The following TMEM131L variants were observed in gnomAD, a reference collection of about 807,000 sequenced individuals.
The protein encoded by TMEM131L is transmembrane 131 like, also known as transmembrane protein 131-like.
A neutral mutation model predicts 192.2 loss-of-function variants in TMEM131L; 54 were observed. The observed-to-expected ratio is 0.28, with a 90% CI of 0.23 to 0.35. The LOEUF is 0.35. TMEM131L is among the 10% of genes least tolerant of loss of function. The pLI is 1.00. For missense variants in TMEM131L, 1,888 were observed against 1,972.9 expected (o/e 0.96, Z 0.82); for synonymous variants, 701 against 704.9 (o/e 0.99, Z 0.09).
In TMEM131L at chr4:153,583,567, AT is replaced by A; in HGVS notation, c.956del (p.Ile319AsnfsTer45). 1 of 1,602,176 alleles carries A rather than the reference AT, an allele frequency of 6.2e-7. No individual in the cohort carries two copies. Among genetic ancestry groups the A allele is most frequent in the African/African-American group, 1.3e-5 (1 of 74,772 alleles). On this transcript the variant is annotated frameshift_variant, in exon 11 of 35. Coordinates refer to ENST00000409959, the MANE Select transcript of TMEM131L (RefSeq NM_001131007.2). LOFTEE classifies it high-confidence loss of function. ...SGNSLIWIQD[I>X]RHFSQRDALS... ...TGGGACTTTTCTTTTATTTCAGGAT[AT>A]ACGCCATTTCTCACAGAGAGATGCT...
chr4:153,623,038 G>A lies in TMEM131L; in HGVS notation c.4000G>A (p.Gly1334Arg), dbSNP rs142646534. ...GSWSSTSSSD[G>R]DKKPMVDAQH... ...CTGGAGCAGCACCAGCAGCTCCGAC[G>A]GGGATAAGAAGCCCATGGTGGACGC... Residue 1334 changes from glycine to arginine, a missense_variant, in exon 29 of 35, where the codon GGG (glycine) becomes AGG (arginine). Transcript: ENST00000409959. The A allele has an allele frequency of 1.3e-4, 211 of 1,613,594 alleles. No homozygotes were observed. The highest frequency in any genetic ancestry group is 2.7e-4 in the East Asian group (12 of 44,880).
intron 20 of TMEM131L, among the ~76,000 whole-genome samples, chr4:153,596,939 TTAGG>T (rs1302896962): frequency 1.4e-4 from 21 of 152,330 alleles, no homozygotes; most frequent in African/African-American, 4.8e-4. Flanking sequence ...GTTTTCATCT[TTAGG>T]TAGTCTTGAG....
chr4:153,603,287 T>C lies in TMEM131L; in HGVS notation c.2640-16T>C. 1 of 1,611,146 alleles carries C rather than the reference T, an allele frequency of 6.2e-7. No homozygotes were observed. The highest frequency in any genetic ancestry group is 1.1e-5 in the South Asian group (1 of 90,618). On this transcript the variant is annotated splice_polypyrimidine_tract_variant and intron_variant, in intron 23 of 34. Transcript: ENST00000409959. ...CAGAACCATGCAATACTGAACCTTGTTGCTTTCTTCCTCAGTTTGTCCCTG... is the reference window on the plus strand; with the variant it reads ...CAGAACCATGCAATACTGAACCTTGCTGCTTTCTTCCTCAGTTTGTCCCTG...
At chr4:153,630,538 C>T (rs1290559755) in intron 31 of TMEM131L, among the ~76,000 whole-genome samples, 1 of 152,226 alleles carries the variant, frequency 6.6e-6, no homozygotes, top group Non-Finnish European at 1.5e-5. Context: ...CATCTGGAGC[C>T]ATTCTGTCAT....
intron 14 of TMEM131L, among the ~76,000 whole-genome samples, chr4:153,587,338 A>C (rs1021942390): frequency 6.6e-5 from 10 of 151,694 alleles, no homozygotes; most frequent in Non-Finnish European, 1.2e-4. Context: ...TTAAAAAAAA[A>C]CAAAACTTCT....
In TMEM131L at chr4:153,602,616, G is replaced by A. The variant is rs755058593; in HGVS notation, c.2528G>A (p.Arg843His). 5 of 1,614,018 alleles carry A rather than the reference G, an allele frequency of 3.1e-6. No individual in the cohort carries two copies. The highest frequency in any genetic ancestry group is 2.2e-5 in the East Asian group (1 of 44,884). The change falls in exon 23 of 35, where the codon CGC becomes CAC. Residue 843 changes from arginine to histidine, a missense_variant. Transcript: ENST00000409959. ...GTAACCGCAGCGGACCTAGAATTTC[G>A]CTTCACTCTCAATGTGACTCTCCCT... is the stretch of plus-strand genomic sequence containing the variant. ...SLVTAADLEF[R>H]FTLNVTLPHH...
In TMEM131L at chr4:153,566,518, A is replaced by AGTGTGTGTGTGT. The variant is rs35949558; in HGVS notation, c.660+8173_660+8184dup. Among the ~76,000 whole-genome samples, 8 of 145,862 alleles carry AGTGTGTGTGTGT rather than the reference A, an allele frequency of 5.5e-5. No individual in the cohort carries two copies. In the East Asian group the frequency reaches 1.0e-3, roughly 19 times the overall value. On this transcript the variant is annotated intron_variant, in intron 7 of 34. Transcript: ENST00000409959. ...AGTTTTGTCTTTGTGTGTGAGTGTGAGTGTGTGTGTGTGTGTGTGTGTGTG... is the reference window on the plus strand; with the variant it reads ...AGTTTTGTCTTTGTGTGTGAGTGTGAGTGTGTGTGTGTGTGTGTGTGTGTGTGTGTGTGTGTG...
At chr4:153,526,026 T>C (rs1365880252) in intron 3 of TMEM131L, among the ~76,000 whole-genome samples, 2 of 152,048 alleles carry the variant, frequency 1.3e-5, no homozygotes, top group Non-Finnish European at 2.9e-5. Flanking sequence ...CCAGCTGATT[T>C]TTTTGTATTT....
chr4:153,511,587 A>G (rs527458930), intron 3 of TMEM131L, among the ~76,000 whole-genome samples: 7 of 152,010 alleles, frequency 4.6e-5, no homozygotes, highest in East Asian at 1.9e-4. Flanking sequence ...GAGTCTCCCT[A>G]TATAACAAAC....
chr4:153,504,711 T>C (rs946053768), intron 3 of TMEM131L, among the ~76,000 whole-genome samples: 1 of 152,254 alleles, frequency 6.6e-6, no homozygotes, highest in Non-Finnish European at 1.5e-5. Flanking sequence ...CAAAATTTTA[T>C]AAGTCTCTTA....
intron 21 of TMEM131L, among the ~76,000 whole-genome samples, chr4:153,599,781 A>G (rs9654222): frequency 0.28 from 42,025 of 152,106 alleles, 6,057 homozygotes; most frequent in Non-Finnish European, 0.33. Context: ...AAAATGGCCG[A>G]GCATGGTGGC....
chr4:153,626,107 A>C, intron 29 of TMEM131L, 40 bp from the exon 30 acceptor site: 1 of 1,292,734 alleles, frequency 7.7e-7, no homozygotes, highest in South Asian at 1.2e-5. Flanking sequence ...GTTGAAGTGT[A>C]CTTTTTGAAA....
At chr4:153,633,860 G>A (rs1018214425) in intron 32 of TMEM131L, among the ~76,000 whole-genome samples, 1 of 152,228 alleles carries the variant, frequency 6.6e-6, no homozygotes, top group Non-Finnish European at 1.5e-5. Context: ...AAGTCCTTCA[G>A]ATGTGCACAA....
chr4:153,480,833 A>G lies in TMEM131L; in HGVS notation c.239+6945A>G, dbSNP rs59315831. Among the ~76,000 whole-genome samples the G allele has an allele frequency of 2.4e-4, 37 of 152,302 alleles. No individual in the cohort carries two copies. The East Asian group carries it at 7.1e-3, about 29-fold the overall frequency. The stretch of plus-strand genomic sequence containing the variant: ...TTTAGCTTGCAGGTGCCACAAAATT[A>G]CTGTGTCCTGAACTGAGCTTCTGGG... On this transcript the variant is annotated intron_variant, in intron 3 of 34. Transcript: ENST00000409959.
Position 153,604,137 on chromosome 4 carries a change from A to G in TMEM131L, c.3125A>G (p.Asn1042Ser), listed in dbSNP as rs761545204. Residue 1042 changes from asparagine (N) to serine (S), a missense_variant, in exon 25 of 35, where the codon AAC becomes AGC. Physicochemically the swap from Asn to Ser is conservative, Grantham distance 46. Coordinates refer to ENST00000409959, the MANE Select transcript of TMEM131L (RefSeq NM_001131007.2). ...SLRYASGINVNLQKNLTLPKN... is the reference protein window; with the variant it reads ...SLRYASGINVSLQKNLTLPKN... ...AGATATGCAAGTGGCATAAATGTCA[A>G]CCTGCAGAAGAATTTAACCCTTCCC... 40 of 1,614,076 alleles carry G rather than the reference A, an allele frequency of 2.5e-5. No individual in the cohort carries two copies. Among genetic ancestry groups the G allele is most frequent in the Non-Finnish European group, 1.5e-5 (18 of 1,180,030 alleles).
intron 3 of TMEM131L, among the ~76,000 whole-genome samples, chr4:153,537,570 A>G (rs1465259307): frequency 1.3e-5 from 2 of 152,126 alleles, no homozygotes; most frequent in East Asian, 1.9e-4. Flanking sequence ...GGCATTTGTA[A>G]ACTGTCATGG....
chr4:153,530,886 T>A (rs897086256), intron 3 of TMEM131L, among the ~76,000 whole-genome samples: 1 of 151,922 alleles, frequency 6.6e-6, no homozygotes, highest in African/African-American at 2.4e-5. Flanking sequence ...GTTCTGGGAG[T>A]CTTTCCTGGA....
chr4:153,621,840 A>G lies in TMEM131L; in HGVS notation c.3850A>G (p.Arg1284Gly). ...TGCAAGCAGTTTACCTGCTGCCCAG[A>G]GAGAGGCAGGTATGTAATGATACTG... ...EIASSLPAAQ[R>G]EAEGYYQKPE... The change falls in exon 28 of 35, where the codon AGA becomes GGA. Residue 1284 changes from arginine (R) to glycine (G), a missense_variant. Physicochemically the swap from Arg to Gly is moderately radical, Grantham distance 125. Coordinates refer to ENST00000409959, the MANE Select transcript of TMEM131L (RefSeq NM_001131007.2). 1 of 1,613,958 alleles carries G rather than the reference A, an allele frequency of 6.2e-7. No individual in the cohort carries two copies. Among genetic ancestry groups the G allele is most frequent in the South Asian group, 1.1e-5 (1 of 91,066 alleles).
chr4:153,525,502 G>T (rs1424630503), intron 3 of TMEM131L, among the ~76,000 whole-genome samples: 2 of 152,044 alleles, frequency 1.3e-5, no homozygotes, highest in Non-Finnish European at 2.9e-5. Flanking sequence ...ACCACACCTG[G>T]CTAATTTTTG....
Sources: allele counts gnomAD v4.1 joint callset (sites outside exome capture counted in the v4.1 genomes callset), GRCh38; gene constraint gnomAD v4.1.1; transcripts MANE v1.5; gene names NCBI Gene and HGNC (gene_info 2026-07-23, HGNC 2026-07-21).